CEP128: variants seen among roughly 807,000 people sequenced by gnomAD.
The protein encoded by CEP128 is centrosomal protein 128, also known as centrosomal protein 128kDa.
In CEP128, 132 loss-of-function variants were observed where a neutral mutation model predicts 156.7. That is an observed-to-expected ratio of 0.84 (90% CI 0.73 to 0.97). The LOEUF (loss-of-function observed/expected upper bound fraction) is 0.97, where lower values mean the gene tolerates loss of function less well. Among genes scored for constraint, CEP128 ranks in the 50% least tolerant of loss-of-function variants. The probability of loss-of-function intolerance (pLI) is 0.00; values close to 1 mark genes in which losing one functional copy is unlikely to be tolerated. For synonymous variants in CEP128, 469 were observed against 448.9 expected (o/e 1.04, Z -0.57); for missense variants, 1,252 against 1,281.9 (o/e 0.98, Z 0.36).
chr14:80,557,479 A>G (rs2140360940), intron 21 of CEP128, among the ~76,000 whole-genome samples: 1 of 152,346 alleles, frequency 6.6e-6, no homozygotes, highest in African/African-American at 2.4e-5. Context: ...CAGGTCTTCA[A>G]ACTCAAAAAT....
At chr14:80,658,144 T>C (rs1406590369) in intron 19 of CEP128, among the ~76,000 whole-genome samples, 5 of 152,222 alleles carry the variant, frequency 3.3e-5, no homozygotes, top group Admixed American at 3.3e-4. Flanking sequence ...GTTAATTGGT[T>C]TTTAATTCAC....
chr14:80,621,097 T>C lies in CEP128; in HGVS notation c.2807-40674A>G, dbSNP rs546783933. 5.9e-5 allele frequency among the ~76,000 whole-genome samples: 9 copies of C among 152,264 alleles called. 1 individual carries two copies. In the South Asian group the frequency reaches 1.9e-3, roughly 32 times the overall value. ...ACATTTTCATGCAAATAAGGCAAAATGTTACCATCTGCTAAATCTGAGTGG... is the reference window on the plus strand; with the variant it reads ...ACATTTTCATGCAAATAAGGCAAAACGTTACCATCTGCTAAATCTGAGTGG... On this transcript the variant is annotated intron_variant, in intron 19 of 24. Coordinates refer to ENST00000555265, the MANE Select transcript of CEP128 (RefSeq NM_152446.5).
At chr14:80,700,779 T>C (rs185648782) in intron 19 of CEP128, among the ~76,000 whole-genome samples, 1 of 152,250 alleles carries the variant, frequency 6.6e-6, no homozygotes, top group Admixed American at 6.5e-5. Flanking sequence ...ATAGGATTTA[T>C]CAAGCACAAT....
At chr14:80,665,537 A>G (rs1242569197) in intron 19 of CEP128, among the ~76,000 whole-genome samples, 1 of 152,218 alleles carries the variant, frequency 6.6e-6, no homozygotes, top group Non-Finnish European at 1.5e-5. Context: ...TGTGGCAAGC[A>G]GCAAAAGTAA....
rs563134803 is a variant in CEP128 at position 80,812,517 on chromosome 14, A to G, written c.1209+18626T>C. ...AGTGGGTAAACTAATCTACACTGCA[A>G]TCAGCAATGGATAAGCGTTCCCTTT... is the stretch of plus-strand genomic sequence containing the variant. On this transcript the variant is annotated intron_variant, in intron 13 of 24. Coordinates refer to ENST00000555265, the MANE Select transcript of CEP128 (RefSeq NM_152446.5). 1.1e-4 allele frequency among the ~76,000 whole-genome samples: 16 copies of G among 152,342 alleles called. No individual in the cohort carries two copies. In the South Asian group the frequency reaches 3.1e-3, roughly 30 times the overall value.
chr14:80,638,727 T>TCA (rs1894293685), intron 19 of CEP128, among the ~76,000 whole-genome samples: 1 of 152,196 alleles, frequency 6.6e-6, no homozygotes, highest in African/African-American at 2.4e-5. Context: ...ATTGGGTGAA[T>TCA]CACTGAATAT....
intron 19 of CEP128, among the ~76,000 whole-genome samples, chr14:80,676,903 C>T (rs1229605990): frequency 6.6e-6 from 1 of 152,026 alleles, no homozygotes; most frequent in Non-Finnish European, 1.5e-5. Context: ...GATTTTTATA[C>T]AATATTAGAT....
intron 15 of CEP128, among the ~76,000 whole-genome samples, chr14:80,781,565 G>A (rs574517500): frequency 1.3e-5 from 2 of 151,776 alleles, no homozygotes; most frequent in East Asian, 1.9e-4. Context: ...AATAATTAAC[G>A]AAGGTTTTTC....
Position 80,785,226 on chromosome 14 carries a change from T to G in CEP128, c.1880A>C (p.Lys627Thr), listed in dbSNP as rs1393358190. 6.2e-7 allele frequency: 1 copy of G among 1,614,180 alleles called. No individual in the cohort carries two copies. Among genetic ancestry groups the G allele is most frequent in the Non-Finnish European group, 8.5e-7 (1 of 1,180,006 alleles). ...AELKKSQAQD[K>T]AKLLEMQESI... is the part of the protein sequence containing the mutation. ...CTCTTGCATCTCAAGAAGTTTAGCT[T>G]TGTCCTGGGCCTGGCTCTTCTTGAG... The change falls in exon 15 of 25, where the codon AAA (lysine) becomes ACA (threonine). Residue 627 changes from lysine (K) to threonine (T), a missense_variant. Physicochemically the swap from Lys to Thr is moderately conservative, Grantham distance 78. Transcript: ENST00000555265.
chr14:80,833,621 T>G (rs1262372593), intron 12 of CEP128, among the ~76,000 whole-genome samples: 2 of 151,986 alleles, frequency 1.3e-5, no homozygotes, highest in African/African-American at 4.8e-5. Context: ...GGCAAGTAAC[T>G]CAACCTCTTT....
chr14:80,535,919 G>A (rs10498541), intron 21 of CEP128, among the ~76,000 whole-genome samples: 51,623 of 152,010 alleles, frequency 0.34, 8,982 homozygotes, highest in African/African-American at 0.38. Context: ...AAGTGGTAGA[G>A]GCAATAGTGA....
At chr14:80,548,868 T>C (rs1594983674) in intron 21 of CEP128, among the ~76,000 whole-genome samples, 1 of 152,224 alleles carries the variant, frequency 6.6e-6, no homozygotes, top group African/African-American at 2.4e-5. Context: ...TATGTTATCA[T>C]GTTTATGAAA....
intron 19 of CEP128, among the ~76,000 whole-genome samples, chr14:80,618,899 T>C (rs151124239): frequency 0.012 from 1,782 of 152,324 alleles, 34 homozygotes; most frequent in African/African-American, 0.041. Flanking sequence ...CTGATGCTAC[T>C]GGTCGATAAA....
At chr14:80,854,229 T>C (rs1026166068) in intron 9 of CEP128, among the ~76,000 whole-genome samples, 1 of 152,012 alleles carries the variant, frequency 6.6e-6, no homozygotes, top group African/African-American at 2.4e-5. Context: ...AGAGCTACAC[T>C]CAACCATTGC....
intron 11 of CEP128, among the ~76,000 whole-genome samples, chr14:80,837,775 A>G (rs1595478734): frequency 6.6e-6 from 1 of 152,352 alleles, no homozygotes; most frequent in East Asian, 1.9e-4. Flanking sequence ...AGTATCTTGA[A>G]AACATGAATT....
At chr14:80,638,656 C>A (rs1237606659) in intron 19 of CEP128, among the ~76,000 whole-genome samples, 2 of 152,178 alleles carry the variant, frequency 1.3e-5, no homozygotes, top group African/African-American at 2.4e-5. Context: ...TACAATGAGA[C>A]AGCGAATTCC....
intron 8 of CEP128, among the ~76,000 whole-genome samples, chr14:80,890,268 A>C (rs923816981): frequency 2.6e-5 from 4 of 152,200 alleles, no homozygotes; most frequent in East Asian, 3.9e-4. Flanking sequence ...CAGCAACCCC[A>C]TTACTGGGTG....
At chr14:80,872,739 T>C (rs1320552254) in intron 8 of CEP128, among the ~76,000 whole-genome samples, 1 of 152,136 alleles carries the variant, frequency 6.6e-6, no homozygotes, top group East Asian at 1.9e-4. Context: ...AATGAAACCA[T>C]CTTCTCTGAC....
rs777468646 is a variant in CEP128 at position 80,778,020 on chromosome 14, C to T, written c.2238G>A (p.Met746Ile). 1.2e-6 allele frequency: 2 copies of T among 1,613,296 alleles called. No individual in the cohort carries two copies. Among genetic ancestry groups the T allele is most frequent in the South Asian group, 1.1e-5 (1 of 90,910 alleles). ...LKAESLEEKN[M>I]AKIHRGQLEK... ...CCAGCTGACCACGATGAATTTTAGC[C>T]ATATTCTTCTCTTCTAAACTTTCAG... The change falls in exon 16 of 25, where the codon ATG becomes ATA. Residue 746 changes from methionine (M) to isoleucine (I), a missense_variant. Coordinates refer to ENST00000555265, the MANE Select transcript of CEP128 (RefSeq NM_152446.5).
Sources: allele counts gnomAD v4.1 joint callset (sites outside exome capture counted in the v4.1 genomes callset), GRCh38; gene constraint gnomAD v4.1.1; transcripts MANE v1.5; gene names NCBI Gene and HGNC (gene_info 2026-07-23, HGNC 2026-07-21).